FOXN3: variants seen among roughly 807,000 people sequenced by gnomAD.
The protein encoded by FOXN3 is forkhead box N3.
In FOXN3, 7 loss-of-function variants were observed where a neutral mutation model predicts 38.4. The ratio of observed to expected loss-of-function variants is 0.18; its 90% CI spans 0.10 to 0.34. FOXN3 has a LOEUF of 0.34. FOXN3 is among the 10% of genes least tolerant of loss of function. The pLI, the probability that FOXN3 is intolerant of heterozygous loss-of-function variation, is 1.00. For missense variants in FOXN3, 456 were observed against 613.4 expected, an observed-to-expected ratio of 0.74 and a Z score of 2.71; for synonymous variants, 230 against 242.2, an observed-to-expected ratio of 0.95 and a Z score of 0.47.
At chr14:89,338,389 G>A (rs1461123661) in intron 3 of FOXN3, among the ~76,000 whole-genome samples, 3 of 152,220 alleles carry the variant, frequency 2.0e-5, no homozygotes, top group Admixed American at 2.0e-4. Flanking sequence ...AGCACCAGGA[G>A]AACTTGCAAA....
chr14:89,617,932 G>C (rs1896522724), intron 1 of FOXN3, among the ~76,000 whole-genome samples: 1 of 152,190 alleles, frequency 6.6e-6, no homozygotes, highest in Non-Finnish European at 1.5e-5. Context: ...GTGGGCTCCA[G>C]TCATTCGTGC....
At chr14:89,249,812 G>A (rs1885402290) in intron 4 of FOXN3, among the ~76,000 whole-genome samples, 1 of 152,176 alleles carries the variant, frequency 6.6e-6, no homozygotes, top group Non-Finnish European at 1.5e-5. Context: ...CAGCCCATGG[G>A]CCAAATCCAT....
intron 1 of FOXN3, among the ~76,000 whole-genome samples, chr14:89,468,174 C>A (rs1893018781): frequency 6.6e-6 from 1 of 151,836 alleles, no homozygotes; most frequent in Non-Finnish European, 1.5e-5. Flanking sequence ...GGTTTACAGG[C>A]TGGGCCCAGT....
Position 89,294,963 on chromosome 14 carries a change from G to T in FOXN3, c.681-13949C>A, listed in dbSNP as rs141594351. 5.1e-3 allele frequency among the ~76,000 whole-genome samples: 779 copies of T among 152,278 alleles called. 4 individuals carry two copies. Among genetic ancestry groups the T allele is most frequent in the African/African-American group, 0.018 (731 of 41,556 alleles). ...GTTTGAGATCCAAGAGCCTCCTCTT[G>T]GAGTCAGGATCGGGACCCCTTTCCT... On this transcript the variant is annotated intron_variant, in intron 3 of 5. Coordinates refer to ENST00000557258, the MANE Select transcript of FOXN3 (RefSeq NM_005197.4).
chr14:89,318,840 T>A (rs1329405961), intron 3 of FOXN3, among the ~76,000 whole-genome samples: 1 of 152,218 alleles, frequency 6.6e-6, no homozygotes, highest in East Asian at 1.9e-4. Context: ...ACCCGATGCA[T>A]CTGTATTCTA....
intron 5 of FOXN3, among the ~76,000 whole-genome samples, chr14:89,178,125 AG>A (rs1490187662): frequency 6.6e-6 from 1 of 151,334 alleles, no homozygotes; most frequent in African/African-American, 2.4e-5. Flanking sequence ...CTCCCACCTC[AG>A]CCTCCAGAGT....
At chr14:89,376,162 A>T (rs1890471834) in intron 2 of FOXN3, among the ~76,000 whole-genome samples, 1 of 152,202 alleles carries the variant, frequency 6.6e-6, no homozygotes, top group Non-Finnish European at 1.5e-5. Context: ...TCATGTCTGG[A>T]TATGAAAAGT....
At chr14:89,479,277 C>T (rs2139757639) in intron 1 of FOXN3, among the ~76,000 whole-genome samples, 1 of 152,270 alleles carries the variant, frequency 6.6e-6, no homozygotes, top group East Asian at 1.9e-4. Context: ...TGTTTTCATT[C>T]AGTTTTAAAG....
chr14:89,469,219 C>T (rs1418485196), intron 1 of FOXN3, among the ~76,000 whole-genome samples: 1 of 152,160 alleles, frequency 6.6e-6, no homozygotes, highest in Non-Finnish European at 1.5e-5. Flanking sequence ...GGTCAGAACA[C>T]CTGTCGGGGA....
chr14:89,379,814 C>T (rs1890587459), intron 2 of FOXN3, among the ~76,000 whole-genome samples: 1 of 151,836 alleles, frequency 6.6e-6, no homozygotes, highest in Non-Finnish European at 1.5e-5. Flanking sequence ...GTGCCCACCA[C>T]CATGTCTAGC....
intron 4 of FOXN3, among the ~76,000 whole-genome samples, chr14:89,257,444 A>T (rs906054774): frequency 6.6e-6 from 1 of 152,246 alleles, no homozygotes; most frequent in African/African-American, 2.4e-5. Flanking sequence ...ATTACCCTCT[A>T]GAGAAATCTT....
At chr14:89,561,465 G>C (rs944448135) in intron 1 of FOXN3, among the ~76,000 whole-genome samples, 3 of 152,220 alleles carry the variant, frequency 2.0e-5, no homozygotes, top group African/African-American at 7.2e-5. Flanking sequence ...ACCTGCCTTG[G>C]CCTCCCAAAG....
At chr14:89,607,347 T>G (rs1596331366) in intron 1 of FOXN3, among the ~76,000 whole-genome samples, 1 of 151,976 alleles carries the variant, frequency 6.6e-6, no homozygotes, top group African/African-American at 2.4e-5. Context: ...TCACTTGAGG[T>G]CAGGAGTTTG....
Position 89,350,791 on chromosome 14 carries a change from C to G in FOXN3, c.561G>C (p.Ser187=). 1 of 1,569,410 alleles carries G rather than the reference C, an allele frequency of 6.4e-7. No homozygotes were observed. The highest frequency in any genetic ancestry group is 8.6e-7 in the Non-Finnish European group (1 of 1,164,078). ...TATACTCTGGGTCTATGCACCACAACGACCCTTTCCCAATACTCTGCAAAG... is the reference window on the plus strand; with the variant it reads ...TATACTCTGGGTCTATGCACCACAAGGACCCTTTCCCAATACTCTGCAAAG... ...KERSQSIGKG[S]LWCIDPEYRQ... Residue 187 remains serine (S), a synonymous_variant, in exon 3 of 6, where the codon TCG becomes TCC. Transcript: ENST00000557258.
rs1358034430 is a variant in FOXN3, at chr14:89,484,098, T to C, written c.-14-71608A>G. Among the ~76,000 whole-genome samples the C allele has an allele frequency of 6.6e-6, 1 of 152,222 alleles. No individual in the cohort carries two copies. Among genetic ancestry groups the C allele is most frequent in the Non-Finnish European group, 1.5e-5 (1 of 68,046 alleles). ...CTCATGTTGCATCTAGGTTTTATTT[T>C]AAGTTAAAGAGATGAATGGAAATAT... On this transcript the variant is annotated intron_variant, in intron 1 of 6. Transcript: ENST00000345097. The surrounding 1 kb of genome is among the most constrained non-coding windows in gnomAD (Gnocchi z 4.0).
At chr14:89,269,491 T>TG (rs1886083543) in intron 4 of FOXN3, among the ~76,000 whole-genome samples, 4 of 151,404 alleles carry the variant, frequency 2.6e-5, no homozygotes, top group Non-Finnish European at 5.9e-5. Flanking sequence ...TTTTGTTTTT[T>TG]TTTTTCCTTT....
At chr14:89,441,085 G>A (rs142467237) in intron 1 of FOXN3, among the ~76,000 whole-genome samples, 10 of 152,192 alleles carry the variant, frequency 6.6e-5, no homozygotes, top group African/African-American at 1.2e-4. Flanking sequence ...CCGAGGCTCC[G>A]GCTTCCCTTC....
At chr14:89,403,482 G>C (rs1441605832) in intron 2 of FOXN3, among the ~76,000 whole-genome samples, 2 of 152,174 alleles carry the variant, frequency 1.3e-5, no homozygotes, top group African/African-American at 4.8e-5. Flanking sequence ...TTACAGGCGT[G>C]AGCCACCACG....
At chr14:89,426,215 A>ATTTTTTT (rs33964198) in intron 1 of FOXN3, among the ~76,000 whole-genome samples, 5 of 77,562 alleles carry the variant, frequency 6.4e-5, no homozygotes, top group African/African-American at 5.5e-5. Context: ...AGGAGTACTG[A>ATTTTTTT]TTTTTTTTTT....
Sources: allele counts gnomAD v4.1 joint callset (sites outside exome capture counted in the v4.1 genomes callset), GRCh38; gene constraint gnomAD v4.1.1; non-coding constraint Gnocchi (gnomAD v3.1); transcripts MANE v1.5; gene names NCBI Gene and HGNC (gene_info 2026-07-23, HGNC 2026-07-21).